The following OPCML variants were observed in gnomAD, a reference collection of about 807,000 sequenced individuals.
The protein encoded by OPCML is opioid-binding protein/cell adhesion molecule.
OPCML carries 13 observed loss-of-function variants against 37.8 expected under a neutral mutation model. That is an observed-to-expected ratio of 0.34 (90% CI 0.22 to 0.55). The LOEUF is 0.55. OPCML is among the 20% of genes least tolerant of loss of function. The probability of loss-of-function intolerance (pLI) is 0.91; values close to 1 mark genes in which losing one functional copy is unlikely to be tolerated. For missense variants in OPCML, 341 were observed against 435.6 expected (o/e 0.78, Z 1.93); for synonymous variants, 176 against 168.8 (o/e 1.04, Z -0.33).
chr11:133,051,223 G>C (rs1220317651), intron 1 of OPCML, among the ~76,000 whole-genome samples: 1 of 152,150 alleles, frequency 6.6e-6, no homozygotes, highest in Non-Finnish European at 1.5e-5. Flanking sequence ...TGATTTCTCT[G>C]TGCCAAGCAC....
At chr11:132,725,419 C>T (rs908357375) in intron 2 of OPCML, among the ~76,000 whole-genome samples, 1 of 152,138 alleles carries the variant, frequency 6.6e-6, no homozygotes, top group Non-Finnish European at 1.5e-5. Flanking sequence ...GCCCAGGAAA[C>T]CACTTTTTCC....
rs1255675160 is a variant in OPCML at position 133,140,988 on chromosome 11, AGAAGAAGAAGAC to A, written c.62-197990_62-197979del. ...AAGAAGAAGAAGAAGAAGAAGAAGA[AGAAGAAGAAGAC>A]GACGACGACGACGACGACGACGACG... On this transcript the variant is annotated intron_variant, in intron 1 of 7. Coordinates refer to ENST00000524381, the MANE Select transcript of OPCML (RefSeq NM_001012393.5). Among the ~76,000 whole-genome samples, 40 of 4,430 alleles carry A rather than the reference AGAAGAAGAAGAC, an allele frequency of 9.0e-3. 14 individuals carry two copies. Among genetic ancestry groups the A allele is most frequent in the Admixed American group, 0.017 (3 of 174 alleles). The allele number at this position is 4,430 out of a possible 152,430, so 2.9% of individuals were successfully genotyped here.
At chr11:132,552,807 C>T (rs1016861749) in intron 3 of OPCML, among the ~76,000 whole-genome samples, 2 of 116,702 alleles carry the variant, frequency 1.7e-5, no homozygotes, top group Non-Finnish European at 1.6e-5. Flanking sequence ...CGCTCTGTCT[C>T]CCAGGCTGGA....
chr11:133,325,112 G>T (rs1244793578), intron 1 of OPCML, among the ~76,000 whole-genome samples: 3 of 152,308 alleles, frequency 2.0e-5, no homozygotes, highest in African/African-American at 4.8e-5. Flanking sequence ...TGGCAGTGGT[G>T]AAGGGCCCCG....
In OPCML at chr11:132,441,165, GTT is replaced by G. The variant is rs68143578; in HGVS notation, c.506-3808_506-3807del. On this transcript the variant is annotated intron_variant, in intron 4 of 7. Transcript: ENST00000524381. ...AGATGTGTTCACCAAGGACTTTTTT[GTT>G]TTTTTTTTTTTTTTTTTTGAGACGG... Among the ~76,000 whole-genome samples, 65 of 72,396 alleles carry G rather than the reference GTT, an allele frequency of 9.0e-4. 2 individuals carry two copies. Among genetic ancestry groups the G allele is most frequent in the Admixed American group, 8.0e-3 (55 of 6,870 alleles). The allele number at this position is 72,396 out of a possible 152,430, so 47.5% of individuals were successfully genotyped here.
At chr11:132,995,348 A>T (rs1353553698) in intron 1 of OPCML, among the ~76,000 whole-genome samples, 2 of 152,160 alleles carry the variant, frequency 1.3e-5, no homozygotes, top group African/African-American at 2.4e-5. Context: ...TGATAGTATT[A>T]GTAGTCATAG....
chr11:133,158,164 T>C (rs1950089045), intron 1 of OPCML, among the ~76,000 whole-genome samples: 1 of 152,198 alleles, frequency 6.6e-6, no homozygotes, highest in African/African-American at 2.4e-5. Context: ...GGGGCTGGAT[T>C]GTTGGACTTT....
At chr11:132,981,992 G>T (rs1446194416) in intron 1 of OPCML, among the ~76,000 whole-genome samples, 1 of 152,148 alleles carries the variant, frequency 6.6e-6, no homozygotes, top group African/African-American at 2.4e-5. Flanking sequence ...GCAGAAGCAG[G>T]CCTTTGGGTT....
chr11:132,760,307 A>G (rs546045364), intron 2 of OPCML, among the ~76,000 whole-genome samples: 3 of 152,282 alleles, frequency 2.0e-5, no homozygotes, highest in Admixed American at 2.0e-4. Context: ...ATAGATGTCT[A>G]TGAGGTCCAC....
At chr11:132,702,818 G>GATTGAGTCTAC in intron 2 of OPCML, among the ~76,000 whole-genome samples, 1 of 151,576 alleles carries the variant, frequency 6.6e-6, no homozygotes, top group East Asian at 1.9e-4. Flanking sequence ...TCTTCTGCTT[G>GATTGAGTCTAC]ATTGAGTCTA....
intron 1 of OPCML, among the ~76,000 whole-genome samples, chr11:133,530,197 C>T (rs1195295359): frequency 6.6e-6 from 1 of 152,150 alleles, no homozygotes; most frequent in Non-Finnish European, 1.5e-5. Context: ...GCTTTAGTTT[C>T]GGGTACTTCT....
intron 3 of OPCML, among the ~76,000 whole-genome samples, chr11:132,617,818 C>G (rs1418149399): frequency 6.6e-6 from 1 of 152,170 alleles, no homozygotes; most frequent in East Asian, 1.9e-4. Flanking sequence ...ATAAGGACAC[C>G]AGTTCCGTCA....
At chr11:132,795,642 CATA>C (rs1317841970) in intron 2 of OPCML, among the ~76,000 whole-genome samples, 1 of 152,156 alleles carries the variant, frequency 6.6e-6, no homozygotes, top group African/African-American at 2.4e-5. Context: ...CCACATATTC[CATA>C]TTTAATTTCA....
chr11:132,528,712 G>A (rs1025330529), intron 4 of OPCML, among the ~76,000 whole-genome samples: 7 of 152,146 alleles, frequency 4.6e-5, no homozygotes, highest in Non-Finnish European at 8.8e-5. Context: ...CCATGGCCAC[G>A]CTAATACTCT....
At chr11:133,498,289 G>A (rs1947828747) in intron 1 of OPCML, among the ~76,000 whole-genome samples, 2 of 152,164 alleles carry the variant, frequency 1.3e-5, no homozygotes, top group South Asian at 2.1e-4. Flanking sequence ...TGGCAAGGAA[G>A]GCCTGAAATT....
intron 2 of OPCML, among the ~76,000 whole-genome samples, chr11:132,835,108 G>A (rs1421585946): frequency 6.6e-6 from 1 of 152,086 alleles, no homozygotes; most frequent in African/African-American, 2.4e-5. Context: ...AGGCTGAGGA[G>A]GATTGATTCA....
chr11:132,830,846 T>C (rs11601136), intron 2 of OPCML, among the ~76,000 whole-genome samples: 45,409 of 152,154 alleles, frequency 0.3, 7,995 homozygotes, highest in Non-Finnish European at 0.41. Flanking sequence ...AATATAAAAC[T>C]ACAAGGGAAT....
intron 4 of OPCML, among the ~76,000 whole-genome samples, chr11:132,490,152 T>C (rs946303198): frequency 6.6e-6 from 1 of 152,044 alleles, no homozygotes; most frequent in Non-Finnish European, 1.5e-5. Flanking sequence ...TGGCCCATTA[T>C]TGACATGAAT....
chr11:132,935,901 T>C (rs1030654464), intron 2 of OPCML, among the ~76,000 whole-genome samples: 6 of 152,194 alleles, frequency 3.9e-5, no homozygotes, highest in African/African-American at 1.4e-4. Flanking sequence ...TTGTCTTAGG[T>C]TGCAGGCCCT....
Sources: allele counts gnomAD v4.1 joint callset (sites outside exome capture counted in the v4.1 genomes callset), GRCh38; gene constraint gnomAD v4.1.1; transcripts MANE v1.5; gene names NCBI Gene and HGNC (gene_info 2026-07-23, HGNC 2026-07-21).